RPS6KC1: variants seen among roughly 807,000 people sequenced by gnomAD.
RPS6KC1 encodes inactive ribosomal protein S6 kinase delta-1.
RPS6KC1 carries 54 observed loss-of-function variants against 103.8 expected under a neutral mutation model. The ratio of observed to expected loss-of-function variants is 0.52; its 90% CI spans 0.42 to 0.65. RPS6KC1 has a LOEUF of 0.65. RPS6KC1 is among the 30% of genes least tolerant of loss of function. The pLI is 0.00. For missense variants in RPS6KC1, 1,151 were observed against 1,253.8 expected (o/e 0.92, Z 1.24); for synonymous variants, 439 against 438.7 (o/e 1.00, Z -0.01).
At chr1:213,380,367 C>T in the RPS6KC1 span, among the ~76,000 whole-genome samples, 2 of 152,258 alleles carry the variant, frequency 1.3e-5, no homozygotes, top group East Asian at 3.9e-4. Context: ...GGAAAAATAA[C>T]TAATGGATAC....
At chr1:213,392,861 A>G in the RPS6KC1 span, among the ~76,000 whole-genome samples, 1 of 152,212 alleles carries the variant, frequency 6.6e-6, no homozygotes, top group Non-Finnish European at 1.5e-5. Flanking sequence ...GGTCAGTTAA[A>G]TCATTTCCAG....
chr1:213,114,610 A>G (rs2083384540), intron 4 of RPS6KC1, among the ~76,000 whole-genome samples: 1 of 151,260 alleles, frequency 6.6e-6, no homozygotes, highest in Admixed American at 6.6e-5. Context: ...AGGAGTGGTG[A>G]GAGAGGGCAT....
the RPS6KC1 span, chr1:213,819,832 A>G: frequency 6.6e-6 from 1 of 152,228 alleles, no homozygotes. Context: ...ATTTGGAGTC[A>G]CTAAATCTAT....
chr1:213,205,536 T>TTATATTTATATATATATATATATATA (rs2093316911), intron 8 of RPS6KC1: 1 of 82,292 alleles, frequency 1.2e-5, no homozygotes, highest in Non-Finnish European at 2.5e-5. Flanking sequence ...ACAAACTCAT[T>TTATATTTATATATATATATATATATA]TATATATATA....
chr1:213,072,338 T>C (rs2078963511), intron 2 of RPS6KC1, among the ~76,000 whole-genome samples: 1 of 152,160 alleles, frequency 6.6e-6, no homozygotes, highest in African/African-American at 2.4e-5. Context: ...TTTCTGGCTA[T>C]GTCTGATTTC....
the RPS6KC1 span, among the ~76,000 whole-genome samples, chr1:213,474,724 G>C: frequency 0.027 from 4,093 of 152,032 alleles, 75 homozygotes; most frequent in East Asian, 0.052. Context: ...TCTTAGGCTC[G>C]GTTGTCTAAA....
the RPS6KC1 span, among the ~76,000 whole-genome samples, chr1:213,589,442 C>T: frequency 6.6e-6 from 1 of 152,038 alleles, no homozygotes; most frequent in African/African-American, 2.4e-5. Flanking sequence ...GAGTTTGAGA[C>T]CAGTCTGGCC....
At chr1:213,308,899 C>G in the RPS6KC1 span, among the ~76,000 whole-genome samples, 2 of 152,144 alleles carry the variant, frequency 1.3e-5, no homozygotes, top group Admixed American at 1.3e-4. Flanking sequence ...TGCAGAAGAC[C>G]TCAGCTTTCA....
chr1:213,756,650 C>T, the RPS6KC1 span, among the ~76,000 whole-genome samples: 1 of 152,166 alleles, frequency 6.6e-6, no homozygotes, highest in South Asian at 2.1e-4. Context: ...CAGGGTCTTG[C>T]TCTGTCACCC....
intron 7 of RPS6KC1, among the ~76,000 whole-genome samples, chr1:213,171,417 C>G (rs2148228427): frequency 6.6e-6 from 1 of 151,366 alleles, no homozygotes; most frequent in Non-Finnish European, 1.5e-5. Flanking sequence ...TTGAAAGAAG[C>G]TTTCCCTGGA....
intron 14 of RPS6KC1, among the ~76,000 whole-genome samples, chr1:213,271,888 A>G (rs573674658): frequency 6.6e-6 from 1 of 152,300 alleles, no homozygotes; most frequent in Non-Finnish European, 1.5e-5. Flanking sequence ...ATTATCCTTC[A>G]GTAAAGTTGT....
chr1:213,603,514 C>T, the RPS6KC1 span, among the ~76,000 whole-genome samples: 1 of 152,144 alleles, frequency 6.6e-6, no homozygotes, highest in African/African-American at 2.4e-5. Flanking sequence ...TTATACCTAA[C>T]ATCCAAGCGG....
chr1:213,606,994 G>A, the RPS6KC1 span, among the ~76,000 whole-genome samples: 1 of 152,122 alleles, frequency 6.6e-6, no homozygotes, highest in Non-Finnish European at 1.5e-5. Flanking sequence ...GATCCACCTG[G>A]GTTTGCCTGT....
chr1:213,647,620 C>T, the RPS6KC1 span, among the ~76,000 whole-genome samples: 2 of 152,098 alleles, frequency 1.3e-5, no homozygotes, highest in South Asian at 4.1e-4. Flanking sequence ...CCTTTCAGCT[C>T]TCACTTTCTA....
At chr1:213,687,596 G>A in the RPS6KC1 span, among the ~76,000 whole-genome samples, 2 of 152,174 alleles carry the variant, frequency 1.3e-5, no homozygotes, top group Non-Finnish European at 2.9e-5. Flanking sequence ...GAACCATAGA[G>A]GGAAATGCCA....
At chr1:213,671,438 T>C in the RPS6KC1 span, among the ~76,000 whole-genome samples, 1 of 151,400 alleles carries the variant, frequency 6.6e-6, no homozygotes, top group Non-Finnish European at 1.5e-5. Flanking sequence ...ACAGGAGGAG[T>C]TTTGGTGATT....
At chr1:213,645,181 AG>A in the RPS6KC1 span, among the ~76,000 whole-genome samples, 2 of 152,166 alleles carry the variant, frequency 1.3e-5, no homozygotes, top group East Asian at 3.9e-4. Flanking sequence ...TGATGAGCAC[AG>A]ACTGAAGATG....
At chr1:213,562,982 G>A in the RPS6KC1 span, among the ~76,000 whole-genome samples, 1 of 152,214 alleles carries the variant, frequency 6.6e-6, no homozygotes, top group African/African-American at 2.4e-5. Flanking sequence ...TTCTTTGTAT[G>A]TCTTTAAAGT....
the RPS6KC1 span, among the ~76,000 whole-genome samples, chr1:213,375,564 GA>G: frequency 1.3e-5 from 2 of 152,200 alleles, no homozygotes; most frequent in Non-Finnish European, 2.9e-5. Context: ...AGAACATGTT[GA>G]GGGATGTAGG....
Sources: allele counts gnomAD v4.1 joint callset (sites outside exome capture counted in the v4.1 genomes callset), GRCh38; gene constraint gnomAD v4.1.1; transcripts MANE v1.5; gene names NCBI Gene and HGNC (gene_info 2026-07-23, HGNC 2026-07-21).